Variants in ADAMTSL3 observed in about 807,000 individuals in gnomAD.
ADAMTSL3 encodes ADAMTS-like protein 3.
In ADAMTSL3, 128 loss-of-function variants were observed where a neutral mutation model predicts 201.7. That is an observed-to-expected ratio of 0.63 (90% CI 0.55 to 0.73). The LOEUF (loss-of-function observed/expected upper bound fraction) is 0.73, where lower values mean the gene tolerates loss of function less well. Among genes scored for constraint, ADAMTSL3 ranks in the 30% least tolerant of loss-of-function variants. The probability of loss-of-function intolerance (pLI) is 0.00; values close to 1 mark genes in which losing one functional copy is unlikely to be tolerated. For synonymous variants in ADAMTSL3, 738 were observed against 748.4 expected (o/e 0.99, Z 0.23); for missense variants, 1,990 against 2,119.6 (o/e 0.94, Z 1.20).
intron 3 of ADAMTSL3, among the ~76,000 whole-genome samples, chr15:83,759,319 G>A (rs986968297): frequency 4.6e-5 from 7 of 151,402 alleles, no homozygotes; most frequent in South Asian, 4.2e-4. Context: ...TCTGCTTCCC[G>A]GGTTCACGCC....
At chr15:83,936,768 A>G (rs2142020278) in intron 17 of ADAMTSL3, among the ~76,000 whole-genome samples, 1 of 151,114 alleles carries the variant, frequency 6.6e-6, no homozygotes, top group South Asian at 2.1e-4. Flanking sequence ...CTATGCATCC[A>G]GTGAAAGCTC....
intron 4 of ADAMTSL3, among the ~76,000 whole-genome samples, chr15:83,792,807 AT>A (rs2063364342): frequency 6.7e-6 from 1 of 149,702 alleles, no homozygotes; most frequent in African/African-American, 2.4e-5. Flanking sequence ...AAAAAAAAAA[AT>A]CATATGATCC....
intron 4 of ADAMTSL3, among the ~76,000 whole-genome samples, chr15:83,790,965 G>A (rs902022135): frequency 4.6e-5 from 7 of 152,060 alleles, no homozygotes; most frequent in African/African-American, 1.4e-4. Flanking sequence ...GGACTTGTAC[G>A]CCTAATACTG....
chr15:83,740,101 C>A, intron 3 of ADAMTSL3: 1 of 285,188 alleles, frequency 3.5e-6, no homozygotes, highest in Non-Finnish European at 7.5e-6. Context: ...GTGCCGGTGG[C>A]CACTTACACC....
intron 5 of ADAMTSL3, among the ~76,000 whole-genome samples, chr15:83,818,389 C>G (rs188716389): frequency 9.9e-5 from 15 of 152,270 alleles, no homozygotes; most frequent in Admixed American, 5.2e-4. Context: ...TGCAGTGGCA[C>G]AATCTTGGCT....
At chr15:84,020,505 A>C (rs74026637) in intron 25 of ADAMTSL3, among the ~76,000 whole-genome samples, 2,200 of 152,346 alleles carry the variant, frequency 0.014, 60 homozygotes, top group African/African-American at 0.051. Context: ...TGTATTTTAC[A>C]TTTTTGCTTT....
At chr15:83,707,096 T>C (rs919908688) in intron 3 of ADAMTSL3, among the ~76,000 whole-genome samples, 1 of 152,164 alleles carries the variant, frequency 6.6e-6, no homozygotes, top group Admixed American at 6.5e-5. Context: ...TTAAGATCAA[T>C]TAAGAACAAA....
chr15:83,676,522 C>T (rs149384462), intron 2 of ADAMTSL3, among the ~76,000 whole-genome samples: 1,782 of 152,114 alleles, frequency 0.012, 29 homozygotes, highest in African/African-American at 0.04. Context: ...GCTAAAAATA[C>T]AAAAAATTAG....
intron 25 of ADAMTSL3, 45 bp from the exon 26 acceptor site, chr15:84,021,365 A>T (rs1223756342): frequency 2.5e-6 from 4 of 1,608,364 alleles, no homozygotes; most frequent in South Asian, 2.2e-5. Flanking sequence ...GCTCGTCGTC[A>T]TTTCTCTTTT....
intron 19 of ADAMTSL3, among the ~76,000 whole-genome samples, chr15:83,953,502 A>C (rs182543129): frequency 2.3e-4 from 35 of 152,162 alleles, no homozygotes; most frequent in Admixed American, 1.7e-3. Flanking sequence ...CCTGGCTTGA[A>C]AGTTGTTGTA....
At chr15:83,963,236 C>T (rs1385501451) in intron 19 of ADAMTSL3, among the ~76,000 whole-genome samples, 1 of 152,190 alleles carries the variant, frequency 6.6e-6, no homozygotes, top group African/African-American at 2.4e-5. Context: ...CCCACAGAGC[C>T]CAGCAAGCTA....
rs1238921228 is a variant in ADAMTSL3, at chr15:83,713,093, T to G, written c.189+8585T>G. Among the ~76,000 whole-genome samples the G allele has an allele frequency of 7.4e-4, 113 of 152,144 alleles. 2 individuals carry two copies. Among genetic ancestry groups the G allele is most frequent in the Admixed American group, 7.3e-3 (112 of 15,268 alleles). Reference sequence around the variant, plus strand: ...TGGCCTCTTCTATCAGTGTCATCCCTCACCTTCTATGCATGATTTTCCTGG... The same window carrying G: ...TGGCCTCTTCTATCAGTGTCATCCCGCACCTTCTATGCATGATTTTCCTGG... On this transcript the variant is annotated intron_variant, in intron 3 of 29. Coordinates refer to ENST00000286744, the MANE Select transcript of ADAMTSL3 (RefSeq NM_207517.3).
intron 23 of ADAMTSL3, among the ~76,000 whole-genome samples, chr15:83,998,029 A>T (rs527631207): frequency 1.4e-5 from 2 of 145,712 alleles, no homozygotes; most frequent in African/African-American, 5.0e-5. Flanking sequence ...ATCTAGGAAG[A>T]AAAAAAAAAA....
chr15:83,899,107 C>T (rs553511506), intron 14 of ADAMTSL3, among the ~76,000 whole-genome samples: 8 of 152,256 alleles, frequency 5.3e-5, no homozygotes, highest in Admixed American at 2.0e-4. Context: ...CTTCAAAGGA[C>T]AGGAAGGGGG....
intron 4 of ADAMTSL3, among the ~76,000 whole-genome samples, chr15:83,780,985 A>G (rs1006067680): frequency 6.6e-6 from 1 of 152,222 alleles, no homozygotes. Context: ...ACAACATCCT[A>G]TGCTCATGGA....
At chr15:83,804,771 C>A in intron 5 of ADAMTSL3, 76 bp downstream of exon 5, 4 of 1,179,836 alleles carry the variant, frequency 3.4e-6, no homozygotes, top group Non-Finnish European at 4.7e-6. Context: ...AATGTGTACT[C>A]TAAAACTGAT....
chr15:83,808,602 A>G (rs1192429398), intron 5 of ADAMTSL3, among the ~76,000 whole-genome samples: 1 of 152,244 alleles, frequency 6.6e-6, no homozygotes, highest in Non-Finnish European at 1.5e-5. Flanking sequence ...GAACTACAAT[A>G]TGATCCAGCA....
intron 9 of ADAMTSL3, among the ~76,000 whole-genome samples, chr15:83,881,996 A>T (rs2065281828): frequency 6.6e-6 from 1 of 152,104 alleles, no homozygotes; most frequent in Non-Finnish European, 1.5e-5. Flanking sequence ...TACTAAAAAA[A>T]ATACAAAAAA....
chr15:83,857,977 C>T (rs2064776263), intron 7 of ADAMTSL3, among the ~76,000 whole-genome samples: 1 of 152,160 alleles, frequency 6.6e-6, no homozygotes, highest in Non-Finnish European at 1.5e-5. Flanking sequence ...ATTAAATTAT[C>T]AGTGTATGTA....
Sources: gnomAD v4.1 joint callset for allele counts (sites outside exome capture counted in the v4.1 genomes callset) on GRCh38, gnomAD v4.1.1 for gene constraint, MANE v1.5 for transcripts, NCBI Gene and HGNC (gene_info 2026-07-23, HGNC 2026-07-21) for gene names.